The following PCCA variants were observed in gnomAD, a reference collection of about 807,000 sequenced individuals.
PCCA encodes propionyl-CoA carboxylase alpha chain, mitochondrial.
PCCA carries 74 observed loss-of-function variants against 101.3 expected under a neutral mutation model. That is an observed-to-expected ratio of 0.73 (90% CI 0.61 to 0.89). The LOEUF (loss-of-function observed/expected upper bound fraction) is 0.89, where lower values mean the gene tolerates loss of function less well. Ranked by LOEUF, PCCA falls within the 40% of genes least tolerant of loss-of-function variation. The pLI is 0.00. For missense variants in PCCA, 891 were observed against 907.0 expected, an observed-to-expected ratio of 0.98 and a Z score of 0.23; for synonymous variants, 294 against 313.6, an observed-to-expected ratio of 0.94 and a Z score of 0.66.
At chr13:100,146,430 C>T (rs2052574846) in intron 4 of PCCA, among the ~76,000 whole-genome samples, 1 of 151,796 alleles carries the variant, frequency 6.6e-6, no homozygotes, top group South Asian at 2.1e-4. Flanking sequence ...CAAAAATTAG[C>T]CAGGTGTTGT....
At chr13:100,506,589 A>G (rs1479229378) in intron 21 of PCCA, among the ~76,000 whole-genome samples, 2 of 152,196 alleles carry the variant, frequency 1.3e-5, no homozygotes, top group Non-Finnish European at 2.9e-5. Flanking sequence ...AAAAATATTT[A>G]AGAAAACCTG....
intron 19 of PCCA, among the ~76,000 whole-genome samples, chr13:100,368,981 G>A (rs2075393941): frequency 1.3e-5 from 2 of 152,122 alleles, no homozygotes; most frequent in South Asian, 2.1e-4. Context: ...CACTCTTGAG[G>A]CTAAATTTAC....
In PCCA at chr13:100,238,128, C is replaced by T. The variant is rs138273453; in HGVS notation, c.637+2250C>T. On this transcript the variant is annotated intron_variant, in intron 8 of 23. Coordinates refer to ENST00000376285, the MANE Select transcript of PCCA (RefSeq NM_000282.4). ...AATTTTTTTGTATTTTTAGTAGAGA[C>T]GGGGTTTCACCATACTGGCCAGGCT... Among the ~76,000 whole-genome samples the T allele has an allele frequency of 1.0e-3, 155 of 151,834 alleles. 1 individual carries two copies. The East Asian group carries it at 0.025, about 25-fold the overall frequency.
rs531098520 is a variant in PCCA, at chr13:100,340,138, G to T, written c.1541-19G>T. 8 of 1,222,420 alleles carry T rather than the reference G, an allele frequency of 6.5e-6. No individual in the cohort carries two copies. The African/African-American group carries it at 1.2e-4, about 18-fold the overall frequency. 75.7% of individuals were successfully genotyped at this position (1,222,420 alleles called of 1,614,324 possible). On this transcript the variant is annotated intron_variant, in intron 17 of 23. Coordinates refer to ENST00000376285, the MANE Select transcript of PCCA (RefSeq NM_000282.4). ...AAATAAATGATTGATTGATTGATTGGTTGATTGATTTCCCTCAGGACACAT... is the reference window on the plus strand; with the variant it reads ...AAATAAATGATTGATTGATTGATTGTTTGATTGATTTCCCTCAGGACACAT...
intron 6 of PCCA, among the ~76,000 whole-genome samples, chr13:100,188,437 C>T (rs1321102031): frequency 2.0e-5 from 3 of 151,872 alleles, no homozygotes; most frequent in Non-Finnish European, 2.9e-5. Context: ...GTAGATATAC[C>T]AGTATTTATC....
chr13:100,261,287 T>C (rs896255525), intron 9 of PCCA, among the ~76,000 whole-genome samples: 1 of 152,136 alleles, frequency 6.6e-6, no homozygotes, highest in African/African-American at 2.4e-5. Context: ...TTTTATATGC[T>C]GATTATATCA....
In PCCA at chr13:100,393,574, G is replaced by C. The variant is rs1474730188; in HGVS notation, c.1746+25000G>C. On this transcript the variant is annotated intron_variant, in intron 19 of 23. Transcript: ENST00000376285. ...GCTGGGTTTACAGGCGCCCGCCACC[G>C]TGCCTGGCTAATTTTTGTATTTTTA... Among the ~76,000 whole-genome samples the C allele has an allele frequency of 1.1e-3, 164 of 151,712 alleles. 6 individuals are homozygous for C. The South Asian group carries it at 0.031, about 29-fold the overall frequency.
intron 10 of PCCA, 60 bp downstream of exon 10, chr13:100,262,891 T>C (rs777186575): frequency 3.9e-6 from 3 of 760,950 alleles, no homozygotes; most frequent in Non-Finnish European, 6.9e-6. Flanking sequence ...TTAATCCTAT[T>C]GGAATTATCT....
In PCCA at chr13:100,378,112, G is replaced by A. The variant is rs375035974; in HGVS notation, c.1746+9538G>A. On this transcript the variant is annotated intron_variant, in intron 19 of 23. Transcript: ENST00000376285. Reference sequence around the variant, plus strand: ...TGAACATTTCTTATAGGGCGGATATGGTGGTAATGCATTCCACTGGTCAAA... The same window carrying A: ...TGAACATTTCTTATAGGGCGGATATAGTGGTAATGCATTCCACTGGTCAAA... 1.0e-3 allele frequency among the ~76,000 whole-genome samples: 158 copies of A among 151,472 alleles called. 4 individuals are homozygous for A. The South Asian group carries it at 0.03, about 28-fold the overall frequency.
At chr13:100,347,760 A>T (rs1479945719) in intron 18 of PCCA, among the ~76,000 whole-genome samples, 1 of 152,234 alleles carries the variant, frequency 6.6e-6, no homozygotes, top group African/African-American at 2.4e-5. Context: ...GTAGACTGCA[A>T]GTTCACTTAT....
intron 2 of PCCA, among the ~76,000 whole-genome samples, chr13:100,103,302 C>G (rs1366360082): frequency 6.6e-6 from 1 of 151,306 alleles, no homozygotes. Flanking sequence ...GTTTTTCTTT[C>G]ATTTACTTAA....
intron 17 of PCCA, among the ~76,000 whole-genome samples, chr13:100,334,810 A>C (rs1202145790): frequency 2.6e-5 from 4 of 152,198 alleles, no homozygotes; most frequent in Non-Finnish European, 5.9e-5. Flanking sequence ...ACATAAGTGC[A>C]TACTAGGAGT....
In PCCA at chr13:100,206,142, C is replaced by A. The variant is rs536688218; in HGVS notation, c.469-3190C>A. On this transcript the variant is annotated intron_variant, in intron 6 of 23. Coordinates refer to ENST00000376285, the MANE Select transcript of PCCA (RefSeq NM_000282.4). Reference sequence around the variant, plus strand: ...TGATAGAGAGATACTTTATAAGCACCTCTTAGGGCTGAAAGGGTTTCTTGT... The same window carrying A: ...TGATAGAGAGATACTTTATAAGCACATCTTAGGGCTGAAAGGGTTTCTTGT... 2.6e-5 allele frequency among the ~76,000 whole-genome samples: 4 copies of A among 152,214 alleles called. No homozygotes were observed. In the South Asian group the frequency reaches 8.3e-4, roughly 32 times the overall value.
intron 18 of PCCA, among the ~76,000 whole-genome samples, chr13:100,357,803 T>A (rs927830614): frequency 6.6e-6 from 1 of 152,186 alleles, no homozygotes. Flanking sequence ...TCTCAGAGAA[T>A]GATGTTCAGT....
At chr13:100,350,693 C>T (rs927961561) in intron 18 of PCCA, among the ~76,000 whole-genome samples, 4 of 152,104 alleles carry the variant, frequency 2.6e-5, no homozygotes, top group African/African-American at 9.7e-5. Flanking sequence ...GCAGAATAGC[C>T]TGATTATTGC....
chr13:100,129,061 C>G (rs570077826), intron 4 of PCCA, among the ~76,000 whole-genome samples: 19 of 152,282 alleles, frequency 1.2e-4, no homozygotes, highest in Non-Finnish European at 2.6e-4. Context: ...CAGCATTACC[C>G]AAACTGAACT....
At chr13:100,300,506 A>G (rs886211333) in intron 12 of PCCA, among the ~76,000 whole-genome samples, 1 of 152,216 alleles carries the variant, frequency 6.6e-6, no homozygotes. Flanking sequence ...ATGACATGTC[A>G]TGATAAAGAA....
chr13:100,221,813 C>A (rs1287383718), intron 7 of PCCA, among the ~76,000 whole-genome samples: 1 of 146,630 alleles, frequency 6.8e-6, no homozygotes, highest in African/African-American at 2.6e-5. Context: ...TCTCAGCTCA[C>A]TGCAACCTCT....
At chr13:100,481,466 G>C (rs969953610) in intron 21 of PCCA, among the ~76,000 whole-genome samples, 1 of 152,206 alleles carries the variant, frequency 6.6e-6, no homozygotes, top group African/African-American at 2.4e-5. Context: ...GCTGAGGTGG[G>C]AGCATGGCTT....
Sources: allele counts gnomAD v4.1 joint callset (sites outside exome capture counted in the v4.1 genomes callset), GRCh38; gene constraint gnomAD v4.1.1; transcripts MANE v1.5; gene names NCBI Gene and HGNC (gene_info 2026-07-23, HGNC 2026-07-21).